Variants in PHF21B observed in about 807,000 individuals in gnomAD.
PHF21B encodes PHD finger protein 4.
In PHF21B, 22 loss-of-function variants were observed where a neutral mutation model predicts 62.2. That is an observed-to-expected ratio of 0.35 (90% CI 0.25 to 0.51). The LOEUF is 0.51. Ranked by LOEUF, PHF21B falls within the 20% of genes least tolerant of loss-of-function variation. The pLI is 0.97. For missense variants in PHF21B, 701 were observed against 707.9 expected (o/e 0.99, Z 0.11); for synonymous variants, 341 against 314.7 (o/e 1.08, Z -0.88).
chr22:45,007,166 C>T (rs946378857), intron 2 of PHF21B, among the ~76,000 whole-genome samples: 5 of 151,164 alleles, frequency 3.3e-5, no homozygotes, highest in African/African-American at 4.9e-5. Context: ...CGGTCCAGCC[C>T]GGCGGCCCAG....
At chr22:44,944,539 C>T (rs1367654912) in intron 2 of PHF21B, among the ~76,000 whole-genome samples, 2 of 152,180 alleles carry the variant, frequency 1.3e-5, no homozygotes, top group Non-Finnish European at 2.9e-5. Context: ...ATTAGGAACC[C>T]CACAGCCGGC....
At chr22:44,896,880 G>GGTTTTTTTTT (rs1555933162) in intron 5 of PHF21B, among the ~76,000 whole-genome samples, 4 of 84,092 alleles carry the variant, frequency 4.8e-5, no homozygotes, top group African/African-American at 1.2e-4. Flanking sequence ...AGTTTTATCT[G>GGTTTTTTTTT]TTTTTTTTTT....
chr22:44,922,939 C>A (rs897115695), intron 2 of PHF21B, among the ~76,000 whole-genome samples: 2 of 152,200 alleles, frequency 1.3e-5, no homozygotes, highest in South Asian at 2.1e-4. Flanking sequence ...AAATCTCAGT[C>A]AGCTTTTTTT....
intron 2 of PHF21B, among the ~76,000 whole-genome samples, chr22:44,974,391 G>A (rs2072697015): frequency 6.6e-6 from 1 of 151,256 alleles, no homozygotes; most frequent in African/African-American, 2.4e-5. Flanking sequence ...TCCAGCCTGG[G>A]CGACAGAGAC....
chr22:44,999,620 C>T (rs1366253785), intron 2 of PHF21B, among the ~76,000 whole-genome samples: 3 of 152,118 alleles, frequency 2.0e-5, no homozygotes, highest in Non-Finnish European at 4.4e-5. Context: ...TTTATCTGAC[C>T]GTGTGCCCCG....
intron 2 of PHF21B, among the ~76,000 whole-genome samples, chr22:44,937,916 G>A (rs902315863): frequency 5.9e-5 from 9 of 152,250 alleles, no homozygotes; most frequent in African/African-American, 1.7e-4. Flanking sequence ...GGTGCTCTGC[G>A]GGACGCATCG....
At chr22:44,986,097 CTCA>C (rs1226606069) in intron 2 of PHF21B, among the ~76,000 whole-genome samples, 1 of 134,750 alleles carries the variant, frequency 7.4e-6, no homozygotes. Context: ...GACAACCATC[CTCA>C]TCACCACCAT....
chr22:44,974,703 G>A (rs890606351), intron 2 of PHF21B, among the ~76,000 whole-genome samples: 1 of 152,150 alleles, frequency 6.6e-6, no homozygotes, highest in African/African-American at 2.4e-5. Flanking sequence ...AGGAGAAAGA[G>A]AGCTCTTCAA....
rs539260753 is a variant in PHF21B, at chr22:44,975,785, G to A, written c.120+32760C>T. On this transcript the variant is annotated intron_variant, in intron 2 of 12. Transcript: ENST00000313237. Reference sequence around the variant, plus strand: ...TGGGGCCAGCGGGTCCTCCCACCCAGGGCTCCACTTCCAACTCGCCCAGGA... The same window carrying A: ...TGGGGCCAGCGGGTCCTCCCACCCAAGGCTCCACTTCCAACTCGCCCAGGA... 1.3e-5 allele frequency among the ~76,000 whole-genome samples: 2 copies of A among 152,352 alleles called. 1 individual carries two copies. Among genetic ancestry groups the A allele is most frequent in the Middle Eastern group, 6.8e-3 (2 of 294 alleles).
intron 2 of PHF21B, among the ~76,000 whole-genome samples, chr22:44,984,285 C>T (rs1429932986): frequency 2.0e-5 from 3 of 150,088 alleles, no homozygotes; most frequent in African/African-American, 7.4e-5. Context: ...CCACCACCAC[C>T]ATCATCATCA....
intron 2 of PHF21B, among the ~76,000 whole-genome samples, chr22:44,998,833 A>C (rs78922930): frequency 0.046 from 6,966 of 152,232 alleles, 203 homozygotes; most frequent in South Asian, 0.16. Context: ...CTCGGGAATC[A>C]CGCCCGGTGC....
intron 7 of PHF21B, among the ~76,000 whole-genome samples, chr22:44,893,202 C>T (rs1047020592): frequency 1.5e-4 from 23 of 151,662 alleles, no homozygotes; most frequent in African/African-American, 5.3e-4. Context: ...GTACCTCACA[C>T]GAAGCCACGC....
Position 44,916,432 on chromosome 22 carries a change from C to G in PHF21B, c.412G>C (p.Ala138Pro). 6.3e-7 allele frequency: 1 copy of G among 1,596,048 alleles called. No homozygotes were observed. Among genetic ancestry groups the G allele is most frequent in the Non-Finnish European group, 8.5e-7 (1 of 1,175,406 alleles). ...GCACTGCTCAGCGGAGAGGCGAGGG[C>G]GGCGGGCTCGGCGAGGGCCTGGGGC... Reference protein sequence around the residue: ...SQPQALAEPAALASPLSSAGV... With the variant: ...SQPQALAEPAPLASPLSSAGV... The change falls in exon 4 of 13, where the codon GCC (alanine) becomes CCC (proline). Residue 138 changes from alanine to proline, a missense_variant. Transcript: ENST00000313237.
chr22:44,936,870 C>CTTTTTT (rs370585353), intron 2 of PHF21B, among the ~76,000 whole-genome samples: 10 of 128,596 alleles, frequency 7.8e-5, no homozygotes, highest in East Asian at 2.3e-4. Flanking sequence ...CACTTTCTTT[C>CTTTTTT]TTTTTTTTTT....
At chr22:44,887,725 A>T (rs868361331) in intron 10 of PHF21B, among the ~76,000 whole-genome samples, 6 of 148,090 alleles carry the variant, frequency 4.1e-5, no homozygotes, top group Middle Eastern at 3.5e-3. Flanking sequence ...ACTGCACTCC[A>T]GCCTGGGCAA....
At chr22:44,883,673 G>A (rs2070777918) in intron 12 of PHF21B, among the ~76,000 whole-genome samples, 2 of 152,018 alleles carry the variant, frequency 1.3e-5, no homozygotes, top group South Asian at 2.1e-4. Flanking sequence ...TCTTTCTCTC[G>A]CCTGTTGTGC....
intron 5 of PHF21B, 27 bp from the exon 6 acceptor site, chr22:44,896,110 A>G: frequency 6.2e-7 from 1 of 1,613,766 alleles, no homozygotes; most frequent in South Asian, 1.1e-5. Flanking sequence ...ACAAAGGAGC[A>G]TTAACACAAC....
chr22:44,990,506 C>T (rs573033774), intron 2 of PHF21B, among the ~76,000 whole-genome samples: 6 of 152,298 alleles, frequency 3.9e-5, no homozygotes, highest in South Asian at 2.1e-4. Context: ...TTCTGACGCA[C>T]GCTACAACAT....
chr22:44,898,412 GA>G (rs1201745236), intron 5 of PHF21B, among the ~76,000 whole-genome samples: 2 of 152,062 alleles, frequency 1.3e-5, no homozygotes, highest in Non-Finnish European at 2.9e-5. Flanking sequence ...GTCACTGGCT[GA>G]AGTGTGTCTG....
Sources: allele counts gnomAD v4.1 joint callset (sites outside exome capture counted in the v4.1 genomes callset), GRCh38; gene constraint gnomAD v4.1.1; transcripts MANE v1.5; gene names NCBI Gene and HGNC (gene_info 2026-07-23, HGNC 2026-07-21).